Variants in BTBD7 observed in about 807,000 individuals in gnomAD.
The protein encoded by BTBD7 is BTB/POZ domain-containing protein 7.
Under a neutral mutation model 99.9 loss-of-function variants are expected in BTBD7, and 38 were observed. The observed-to-expected ratio is 0.38, with a 90% CI of 0.29 to 0.50. The LOEUF (loss-of-function observed/expected upper bound fraction) is 0.50, where lower values mean the gene tolerates loss of function less well. Ranked by LOEUF, BTBD7 falls within the 20% of genes least tolerant of loss-of-function variation. The pLI is 0.93. For missense variants in BTBD7, 1,170 were observed against 1,394.6 expected (o/e 0.84, Z 2.57); for synonymous variants, 520 against 511.4 (o/e 1.02, Z -0.23).
intron 3 of BTBD7, among the ~76,000 whole-genome samples, chr14:93,293,464 T>C (rs1198484000): frequency 6.6e-6 from 1 of 152,234 alleles, no homozygotes; most frequent in Admixed American, 6.5e-5. Flanking sequence ...TGAATTTTTA[T>C]TCTTATCCAA....
At chr14:93,313,679 T>TACAC (rs57711099) in intron 1 of BTBD7, among the ~76,000 whole-genome samples, 13,507 of 145,398 alleles carry the variant, frequency 0.093, 661 homozygotes, top group Admixed American at 0.15. Context: ...AAAATGAAAC[T>TACAC]ACACACACAC....
intron 7 of BTBD7, 38 bp from the exon 8 acceptor site, chr14:93,251,690 C>A (rs752144816): frequency 4.1e-6 from 6 of 1,462,360 alleles, no homozygotes; most frequent in Non-Finnish European, 4.6e-6. Flanking sequence ...ACCAGTCAAC[C>A]TTCCTCTGTT....
intron 1 of BTBD7, among the ~76,000 whole-genome samples, chr14:93,299,739 C>A (rs144976858): frequency 6.6e-6 from 1 of 152,238 alleles, no homozygotes; most frequent in African/African-American, 2.4e-5. Flanking sequence ...AAAGAGAAGT[C>A]AACTTTCTCC....
In BTBD7 at chr14:93,251,569, G is replaced by A; in HGVS notation, c.1836C>T (p.Leu612=). Residue 612 remains leucine, a synonymous_variant, in exon 8 of 11, where the codon CTC becomes CTT. Transcript: ENST00000334746. ...MVRMSNVPDT[L]YMVNNAVPQC... is the part of the protein sequence containing the mutation. ...GTGGCACGGCATTATTGACCATGTA[G>A]AGCGTGTCTGGCACATTGGACATTC... is the stretch of plus-strand genomic sequence containing the variant. 1 of 1,614,030 alleles carries A rather than the reference G, an allele frequency of 6.2e-7. No homozygotes were observed. The highest frequency in any genetic ancestry group is 8.5e-7 in the Non-Finnish European group (1 of 1,179,940).
In BTBD7 at chr14:93,277,144, C is replaced by T. The variant is rs551249216; in HGVS notation, c.1163-13151G>A. Among the ~76,000 whole-genome samples the T allele has an allele frequency of 1.8e-4, 27 of 152,172 alleles. No individual in the cohort carries two copies. In the East Asian group the frequency reaches 2.7e-3, roughly 15 times the overall value. On this transcript the variant is annotated intron_variant, in intron 3 of 10. Transcript: ENST00000334746. ...CCTGAAATCCCGACCTCAGGTGATC[C>T]GCCCACCTTGGCCTCCCAAAGTGCT...
intron 1 of BTBD7, among the ~76,000 whole-genome samples, chr14:93,300,779 TATATA>T (rs763260448): frequency 0.012 from 1,261 of 104,632 alleles, 136 homozygotes; most frequent in East Asian, 0.019. Context: ...TGTGTATATA[TATATA>T]TATTTTTTTT....
rs768151713 is a variant in BTBD7, at chr14:93,293,956, T to C, written c.1064A>G (p.Gln355Arg). The C allele has an allele frequency of 1.2e-6, 2 of 1,613,772 alleles. No individual in the cohort carries two copies. The highest frequency in any genetic ancestry group is 3.3e-5 in the Admixed American group (2 of 60,016). The change falls in exon 3 of 11, where the codon CAG (glutamine) becomes CGG (arginine). Residue 355 changes from glutamine (Q) to arginine (R), a missense_variant. Coordinates refer to ENST00000334746, the MANE Select transcript of BTBD7 (RefSeq NM_001002860.4). ...GTTTGGCTTCCCTGCGACGAGAGCC[T>C]GAACTTCACTGAGACTCCCCACAGA... ...SPSVGSLSEVQALVAGKPNMT... is the reference protein window; with the variant it reads ...SPSVGSLSEVRALVAGKPNMT...
At chr14:93,308,287 C>CAAAAAAAAA (rs869127588) in intron 1 of BTBD7, among the ~76,000 whole-genome samples, 1 of 74,948 alleles carries the variant, frequency 1.3e-5, no homozygotes, top group South Asian at 4.6e-4. Context: ...ACTCGGTCTC[C>CAAAAAAAAA]AAAAAAAAAA....
intron 3 of BTBD7, among the ~76,000 whole-genome samples, chr14:93,275,989 C>T (rs2139730286): frequency 6.6e-6 from 1 of 152,122 alleles, no homozygotes; most frequent in South Asian, 2.1e-4. Flanking sequence ...TTAGGTGGGG[C>T]AGATCTTTTG....
At chr14:93,296,208 A>T in intron 1 of BTBD7, 51 bp from the exon 2 acceptor site, 1 of 1,239,934 alleles carries the variant, frequency 8.1e-7, no homozygotes, top group Non-Finnish European at 1.0e-6. Flanking sequence ...TGTATCTCAG[A>T]TCACAGTTTT....
intron 1 of BTBD7, 109 bp from the exon 2 acceptor site, chr14:93,296,266 C>T (rs1267312091): frequency 1.8e-5 from 13 of 719,068 alleles, no homozygotes; most frequent in Non-Finnish European, 2.5e-5. Flanking sequence ...TAACAACACG[C>T]TGTCAAATTC....
At chr14:93,276,017 C>G (rs2052652934) in intron 3 of BTBD7, among the ~76,000 whole-genome samples, 1 of 151,996 alleles carries the variant, frequency 6.6e-6, no homozygotes, top group Non-Finnish European at 1.5e-5. Context: ...GAGTCCAAGA[C>G]CAGCTTGGGC....
At chr14:93,316,608 TAAGG>T (rs2053209662) in intron 1 of BTBD7, among the ~76,000 whole-genome samples, 1 of 152,166 alleles carries the variant, frequency 6.6e-6, no homozygotes, top group African/African-American at 2.4e-5. Context: ...GTAAACTATA[TAAGG>T]TCAGGGTTTT....
rs958005359 is a variant in BTBD7 at position 93,238,736 on chromosome 14, G to T, written c.*3537C>A. On this transcript the variant is annotated 3_prime_UTR_variant, in exon 11 of 11. Transcript: ENST00000334746. The stretch of plus-strand genomic sequence containing the variant: ...GTCAATCCTTTCAACTCTAGAGAAT[G>T]ATGCATGGAGGTCGGCTTTGAGCCC... 4.6e-5 allele frequency: 7 copies of T among 152,206 alleles called. No individual in the cohort carries two copies. Among genetic ancestry groups the T allele is most frequent in the Non-Finnish European group, 1.0e-4 (7 of 68,036 alleles). 9.4% of individuals were successfully genotyped at this position (152,206 alleles called of 1,614,324 possible). A position where few individuals can be genotyped will look rare whatever the true frequency, so the allele number is the denominator to read the frequency against.
intron 3 of BTBD7, among the ~76,000 whole-genome samples, chr14:93,268,893 G>C (rs1234140482): frequency 2.0e-5 from 3 of 151,760 alleles, no homozygotes; most frequent in African/African-American, 7.3e-5. Context: ...TGAGTAGCTG[G>C]GATTACAGGC....
intron 1 of BTBD7, among the ~76,000 whole-genome samples, chr14:93,331,451 A>G (rs2053406920): frequency 6.6e-6 from 1 of 152,210 alleles, no homozygotes. Flanking sequence ...AAATTCCATG[A>G]CAAGTCTAAT....
chr14:93,326,052 AAAAC>A (rs2053327017), intron 1 of BTBD7, among the ~76,000 whole-genome samples: 1 of 152,208 alleles, frequency 6.6e-6, no homozygotes, highest in Admixed American at 6.5e-5. Context: ...TAAAAAAACA[AAAAC>A]AAAAAACCAC....
At chr14:93,265,871 G>A (rs1229299798) in intron 3 of BTBD7, among the ~76,000 whole-genome samples, 1 of 152,200 alleles carries the variant, frequency 6.6e-6, no homozygotes, top group Non-Finnish European at 1.5e-5. Flanking sequence ...GCAGTGAGCT[G>A]AGATCGCACC....
chr14:93,268,620 G>C (rs1332736880), intron 3 of BTBD7, among the ~76,000 whole-genome samples: 1 of 152,008 alleles, frequency 6.6e-6, no homozygotes, highest in Non-Finnish European at 1.5e-5. Flanking sequence ...TTATAGATGA[G>C]AAAACTAAGA....
Sources: gnomAD v4.1 joint callset for allele counts (sites outside exome capture counted in the v4.1 genomes callset) on GRCh38, gnomAD v4.1.1 for gene constraint, MANE v1.5 for transcripts, NCBI Gene and HGNC (gene_info 2026-07-23, HGNC 2026-07-21) for gene names.